Variants in ZBTB20 observed in about 807,000 individuals in gnomAD.
ZBTB20 encodes the protein zinc finger and BTB domain containing 20, also known as zinc finger and BTB domain-containing protein 20.
In ZBTB20, 9 loss-of-function variants were observed where a neutral mutation model predicts 56.9. The observed-to-expected ratio is 0.16, with a 90% CI of 0.10 to 0.28. The LOEUF is 0.28. Among genes scored for constraint, ZBTB20 ranks in the 10% least tolerant of loss-of-function variants. The probability of loss-of-function intolerance (pLI) is 1.00; values close to 1 mark genes in which losing one functional copy is unlikely to be tolerated. For missense variants in ZBTB20, 655 were observed against 1,003.0 expected (o/e 0.65, Z 4.69); for synonymous variants, 417 against 420.7 (o/e 0.99, Z 0.11).
At chr3:114,459,059 AATTT>A (rs925151804) in intron 7 of ZBTB20, among the ~76,000 whole-genome samples, 4 of 152,192 alleles carry the variant, frequency 2.6e-5, no homozygotes, top group Non-Finnish European at 1.5e-5. Flanking sequence ...ATAAAGGGTT[AATTT>A]ATTTATTATG....
chr3:114,653,922 C>T (rs959826920), intron 6 of ZBTB20, among the ~76,000 whole-genome samples: 45 of 151,456 alleles, frequency 3.0e-4, no homozygotes, highest in African/African-American at 1.0e-3. Flanking sequence ...TCATAATATT[C>T]CCTTGTTATC....
intron 7 of ZBTB20, among the ~76,000 whole-genome samples, chr3:114,447,007 A>G (rs554219473): frequency 2.0e-5 from 3 of 152,170 alleles, no homozygotes; most frequent in Non-Finnish European, 4.4e-5. Context: ...GGTACCAGGA[A>G]GAGACATGAT....
intron 7 of ZBTB20, among the ~76,000 whole-genome samples, chr3:114,460,343 C>T (rs1028169727): frequency 2.0e-5 from 3 of 151,982 alleles, no homozygotes; most frequent in African/African-American, 7.3e-5. Flanking sequence ...TTGAATGTTA[C>T]CTTACGTGGC....
chr3:114,772,417 C>T (rs563783481), intron 5 of ZBTB20, among the ~76,000 whole-genome samples: 4 of 152,116 alleles, frequency 2.6e-5, no homozygotes, highest in African/African-American at 7.2e-5. Context: ...TTCCTTTTCC[C>T]AGCTGGGCTC....
intron 5 of ZBTB20, among the ~76,000 whole-genome samples, chr3:114,789,913 C>A (rs1432413045): frequency 6.6e-6 from 1 of 152,042 alleles, no homozygotes; most frequent in Non-Finnish European, 1.5e-5. Flanking sequence ...AAACACTTGT[C>A]CTGAGGTTTA....
At chr3:114,416,712 C>A (rs1016530367) in intron 7 of ZBTB20, among the ~76,000 whole-genome samples, 1 of 151,978 alleles carries the variant, frequency 6.6e-6, no homozygotes, top group Non-Finnish European at 1.5e-5. Context: ...CATAATCAGT[C>A]CCTCTTTTCA....
intron 7 of ZBTB20, among the ~76,000 whole-genome samples, chr3:114,437,550 G>C (rs1323295395): frequency 6.6e-6 from 1 of 152,064 alleles, no homozygotes; most frequent in African/African-American, 2.4e-5. Flanking sequence ...GTTAGGCTTT[G>C]TGTTAGGTAA....
At chr3:114,810,075 T>C (rs887396795) in intron 4 of ZBTB20, among the ~76,000 whole-genome samples, 9 of 151,038 alleles carry the variant, frequency 6.0e-5, no homozygotes, top group South Asian at 4.1e-4. Context: ...CGCCTCTAAT[T>C]GATATATACG....
intron 4 of ZBTB20, among the ~76,000 whole-genome samples, chr3:114,844,158 A>G (rs2074531271): frequency 6.6e-6 from 1 of 151,722 alleles, no homozygotes; most frequent in Non-Finnish European, 1.5e-5. Context: ...GATACATGCT[A>G]TGACATAAAT....
At position 114,350,859 on chromosome 3, in the gene ZBTB20, T is replaced by A. The variant is rs1275289983; in HGVS notation, c.1219A>T (p.Thr407Ser). 2 of 1,610,856 alleles carry A rather than the reference T, an allele frequency of 1.2e-6. No homozygotes were observed. Among genetic ancestry groups the A allele is most frequent in the Admixed American group, 3.3e-5 (2 of 59,992 alleles). Residue 407 changes from threonine to serine, a missense_variant, in exon 11 of 12, where the codon ACC becomes TCC. Coordinates refer to ENST00000675478, the MANE Select transcript of ZBTB20 (RefSeq NM_001348800.3). ...GAARDSQAEPTQPEQAAEAPA... is the reference protein window; with the variant it reads ...GAARDSQAEPSQPEQAAEAPA... ...GCTTCTGCAGCCTGCTCGGGTTGGG[T>A]GGGTTCAGCCTGGCTGTCCCGCGCC...
At chr3:114,980,333 A>C (rs1300211858) in intron 2 of ZBTB20, among the ~76,000 whole-genome samples, 1 of 151,562 alleles carries the variant, frequency 6.6e-6, no homozygotes, top group Non-Finnish European at 1.5e-5. Context: ...TTATTTACTT[A>C]ATCCCCTTCA....
intron 2 of ZBTB20, among the ~76,000 whole-genome samples, chr3:114,993,871 T>C (rs1340730150): frequency 6.6e-6 from 1 of 151,386 alleles, no homozygotes; most frequent in Non-Finnish European, 1.5e-5. Flanking sequence ...AGCAGAATAA[T>C]CCATGTAAAA....
intron 4 of ZBTB20, among the ~76,000 whole-genome samples, chr3:114,855,124 T>C (rs2075186365): frequency 6.6e-6 from 1 of 152,222 alleles, no homozygotes; most frequent in Non-Finnish European, 1.5e-5. Flanking sequence ...GTGTTATAAG[T>C]ATGTAAATGT....
intron 4 of ZBTB20, among the ~76,000 whole-genome samples, chr3:114,832,097 A>G (rs906749285): frequency 6.6e-6 from 1 of 152,124 alleles, no homozygotes; most frequent in African/African-American, 2.4e-5. Flanking sequence ...GTGATAGCAC[A>G]GAGAGGAATT....
At chr3:114,441,682 C>T (rs750640195) in intron 7 of ZBTB20, among the ~76,000 whole-genome samples, 13 of 152,068 alleles carry the variant, frequency 8.5e-5, no homozygotes, top group Non-Finnish European at 1.3e-4. Context: ...CAACCACTTA[C>T]ACGGCAACTG....
rs147289772 is a variant in ZBTB20 at position 114,888,155 on chromosome 3, C to T, written c.-417+12149G>A. 5.0e-3 allele frequency among the ~76,000 whole-genome samples: 758 copies of T among 151,208 alleles called. 3 individuals are homozygous for T. Among genetic ancestry groups the T allele is most frequent in the South Asian group, 0.025 (120 of 4,770 alleles). On this transcript the variant is annotated intron_variant, in intron 4 of 11. Transcript: ENST00000675478. Reference sequence around the variant, plus strand: ...TTAATAGGCTGGGTGCAGTGGCTCACGCCTGTAAATCCAGCACTTTGGGAG... The same window carrying T: ...TTAATAGGCTGGGTGCAGTGGCTCATGCCTGTAAATCCAGCACTTTGGGAG...
intron 6 of ZBTB20, among the ~76,000 whole-genome samples, chr3:114,632,919 C>T (rs531332212): frequency 2.4e-4 from 37 of 152,226 alleles, no homozygotes; most frequent in Non-Finnish European, 4.1e-4. Flanking sequence ...CAGTGCAGTG[C>T]GCACCTGTTT....
At chr3:114,449,861 C>T (rs569066698) in intron 7 of ZBTB20, among the ~76,000 whole-genome samples, 1 of 152,022 alleles carries the variant, frequency 6.6e-6, no homozygotes, top group Non-Finnish European at 1.5e-5. Context: ...TCTCGTATCC[C>T]CAAATTTATG....
intron 3 of ZBTB20, among the ~76,000 whole-genome samples, chr3:114,951,307 T>C (rs959142086): frequency 6.6e-6 from 1 of 151,956 alleles, no homozygotes; most frequent in Admixed American, 6.6e-5. Flanking sequence ...GAAATGTGCA[T>C]ATGAGGTAAA....
Sources: allele counts gnomAD v4.1 joint callset (sites outside exome capture counted in the v4.1 genomes callset), GRCh38; gene constraint gnomAD v4.1.1; transcripts MANE v1.5; gene names NCBI Gene and HGNC (gene_info 2026-07-23, HGNC 2026-07-21).